The following CNTN2 variants were observed in gnomAD, a reference collection of about 807,000 sequenced individuals.
The protein encoded by CNTN2 is contactin 2.
CNTN2 carries 53 observed loss-of-function variants against 117.5 expected under a neutral mutation model. The observed-to-expected ratio is 0.45, with a 90% CI of 0.36 to 0.57. The LOEUF (loss-of-function observed/expected upper bound fraction) is 0.57. CNTN2 is among the 20% of genes least tolerant of loss of function. The probability of loss-of-function intolerance (pLI) is 0.00; values close to 1 mark genes in which losing one functional copy is unlikely to be tolerated. For synonymous variants in CNTN2, 530 were observed against 561.7 expected (o/e 0.94, Z 0.80); for missense variants, 1,106 against 1,404.3 (o/e 0.79, Z 3.39).
Position 205,062,532 on chromosome 1 carries a change from C to T in CNTN2, c.1203C>T (p.His401=), listed in dbSNP as rs759129965. 13 of 1,614,072 alleles carry T rather than the reference C, an allele frequency of 8.1e-6. No homozygotes were observed. Among genetic ancestry groups the T allele is most frequent in the South Asian group, 6.6e-5 (6 of 91,086 alleles). The change falls in exon 10 of 23, where the codon CAC becomes CAT. Residue 401 remains histidine (H), a synonymous_variant. Transcript: ENST00000331830. ...GMYQCVAENK[H]GTIYASAELA... ...ACCAGTGTGTGGCAGAGAATAAGCACGGTACCATCTACGCCAGCGCCGAGC... is the reference window on the plus strand; with the variant it reads ...ACCAGTGTGTGGCAGAGAATAAGCATGGTACCATCTACGCCAGCGCCGAGC...
chr1:205,045,371 A>G (rs949949228), intron 1 of CNTN2, among the ~76,000 whole-genome samples: 21 of 152,176 alleles, frequency 1.4e-4, no homozygotes, highest in African/African-American at 5.1e-4. Context: ...AGTTGTTCAA[A>G]TAGAGACACA....
In CNTN2 at chr1:205,064,426, G is replaced by T; in HGVS notation, c.1345G>T (p.Val449Leu). The change falls in exon 11 of 23, where the codon GTG (valine) becomes TTG (leucine). Residue 449 changes from valine (V) to leucine (L), a missense_variant. Coordinates refer to ENST00000331830, the MANE Select transcript of CNTN2 (RefSeq NM_005076.5). The part of the protein sequence containing the change: ...PCQPRAAPKA[V>L]VLWSKGTEIL... ...CCAGCCCCGGGCAGCTCCAAAGGCC[G>T]TGGTGCTCTGGAGCAAAGGCACGGA... 1.2e-6 allele frequency: 2 copies of T among 1,612,826 alleles called. No individual in the cohort carries two copies. Among genetic ancestry groups the T allele is most frequent in the Non-Finnish European group, 1.7e-6 (2 of 1,178,986 alleles).
chr1:205,064,886 AC>A lies in CNTN2; in HGVS notation c.1519+141del, dbSNP rs370251816. ...CCAGGATTCAGTTTTGCTTGGGACCACCCCCTGGCCACCACTGAGACTCTGG... is the reference window on the plus strand; with the variant it reads ...CCAGGATTCAGTTTTGCTTGGGACCACCCCTGGCCACCACTGAGACTCTGG... On this transcript the variant is annotated intron_variant, in intron 12 of 22. Coordinates refer to ENST00000331830, the MANE Select transcript of CNTN2 (RefSeq NM_005076.5). 2.1e-4 allele frequency: 281 copies of A among 1,360,108 alleles called. 1 individual carries two copies. The African/African-American group carries it at 3.6e-3, about 17-fold the overall frequency. 84.3% of individuals were successfully genotyped at this position (1,360,108 alleles called of 1,614,324 possible).
rs924709556 is a variant in CNTN2 at position 205,061,091 on chromosome 1, G to A, written c.798-154G>A. On this transcript the variant is annotated intron_variant, in intron 7 of 22. Transcript: ENST00000331830. This position sits in a 1 kb window ranked among gnomAD's most constrained non-coding sequence, Gnocchi z 4.8. ...TGCTCCGAGCCTACCTGGGAGAGGA[G>A]AGTGAGGATCAGCCAGAAGGCACCC... is the stretch of plus-strand genomic sequence containing the variant. 1.3e-6 allele frequency: 1 copy of A among 786,064 alleles called. No homozygotes were observed. The highest frequency in any genetic ancestry group is 1.8e-5 in the African/African-American group (1 of 56,660). The allele number at this position is 786,064 out of a possible 1,614,324, so 48.7% of individuals were successfully genotyped here. A position where few individuals can be genotyped will look rare whatever the true frequency, so the allele number is the denominator to read the frequency against.
In CNTN2 at chr1:205,064,019, A is replaced by T. The variant is rs1654128779; in HGVS notation, c.1241-303A>T. Among the ~76,000 whole-genome samples the T allele has an allele frequency of 7.4e-5, 11 of 149,492 alleles. 1 individual carries two copies. The South Asian group carries it at 2.4e-3, about 32-fold the overall frequency. ...GAAGAGCCGGGCTTCACTGAGTGTG[A>T]GTTGAAAAAGCTGTTCATTCCCAAC... On this transcript the variant is annotated intron_variant, in intron 10 of 22. Transcript: ENST00000331830.
At position 205,067,483 on chromosome 1, in the gene CNTN2, T is replaced by C. The variant is rs1654355589; in HGVS notation, c.2125+233T>C. 2.1e-5 allele frequency: 9 copies of C among 431,868 alleles called. No homozygotes were observed. The East Asian group carries it at 3.2e-4, about 16-fold the overall frequency. 26.8% of individuals were successfully genotyped at this position (431,868 alleles called of 1,614,324 possible). A position where few individuals can be genotyped will look rare whatever the true frequency, so the allele number is the denominator to read the frequency against. On this transcript the variant is annotated intron_variant, in intron 16 of 22. Transcript: ENST00000331830. ...AACTGGCCAACCTTACAACTGCATG[T>C]GCATCTATAATTTTTTTAAGTTTAA...
chr1:205,069,652 T>C, intron 17 of CNTN2, 91 bp downstream of exon 17: 1 of 1,475,772 alleles, frequency 6.8e-7, no homozygotes, highest in Non-Finnish European at 9.3e-7. Flanking sequence ...CAGCTCTGAC[T>C]CAAACGCGGA....
chr1:205,066,976 G>A (rs1654325547), intron 15 of CNTN2, 125 bp from the exon 16 acceptor site: 10 of 1,194,614 alleles, frequency 8.4e-6, no homozygotes, highest in Non-Finnish European at 1.2e-5. Flanking sequence ...GGTACTGAGT[G>A]CTTAGTATAT....
At position 205,058,363 on chromosome 1, in the gene CNTN2, C is replaced by A. The variant is rs1318869557; in HGVS notation, c.391+7C>A. On this transcript the variant is annotated splice_region_variant and intron_variant, in intron 4 of 22. Coordinates refer to ENST00000331830, the MANE Select transcript of CNTN2 (RefSeq NM_005076.5). The surrounding 1 kb of genome is among the most constrained non-coding windows in gnomAD (Gnocchi z 4.3). ...GCCATCCTCCGCTTCGGCTGTGAGA[C>A]CCGCGGGGGACCAAGACACTTTGGG... is the stretch of plus-strand genomic sequence containing the variant. 7.9e-6 allele frequency: 12 copies of A among 1,528,616 alleles called. No homozygotes were observed. 94.7% of individuals were successfully genotyped at this position (1,528,616 alleles called of 1,614,324 possible).
chr1:205,045,817 G>A (rs1033250241), intron 1 of CNTN2, among the ~76,000 whole-genome samples: 2 of 152,180 alleles, frequency 1.3e-5, no homozygotes, highest in Admixed American at 6.5e-5. Flanking sequence ...AGGTGGGGCA[G>A]TCTCCTTTCA....
rs1361175229 is a variant in CNTN2 at position 205,065,982 on chromosome 1, C to T, written c.1816+73C>T. The stretch of plus-strand genomic sequence containing the variant: ...AGCTGGGCTGTTCTGACCTGCTCGC[C>T]TCATCTCCCCTCCCTTCCCTCAAAG... On this transcript the variant is annotated intron_variant, in intron 14 of 22. Transcript: ENST00000331830. This position sits in a 1 kb window ranked among gnomAD's most constrained non-coding sequence, Gnocchi z 4.1. 14 of 1,504,262 alleles carry T rather than the reference C, an allele frequency of 9.3e-6. No homozygotes were observed. The highest frequency in any genetic ancestry group is 1.2e-5 in the Non-Finnish European group (14 of 1,120,600). 93.2% of individuals were successfully genotyped at this position (1,504,262 alleles called of 1,614,324 possible). A position where few individuals can be genotyped will look rare whatever the true frequency, so the allele number is the denominator to read the frequency against.
intron 1 of CNTN2, 124 bp from the exon 2 acceptor site, chr1:205,052,976 A>G: frequency 2.3e-6 from 1 of 437,468 alleles, no homozygotes; most frequent in Non-Finnish European, 4.1e-6. Flanking sequence ...CCTGGGGAGA[A>G]TTAGTGCTTG....
Position 205,074,983 on chromosome 1 carries a change from A to G in CNTN2, c.*1218A>G. 2.5e-6 allele frequency: 1 copy of G among 398,342 alleles called. No individual in the cohort carries two copies. The highest frequency in any genetic ancestry group is 4.4e-6 in the Non-Finnish European group (1 of 226,072). The allele number at this position is 398,342 out of a possible 1,614,324, so 24.7% of individuals were successfully genotyped here. On this transcript the variant is annotated 3_prime_UTR_variant, in exon 23 of 23. Coordinates refer to ENST00000331830, the MANE Select transcript of CNTN2 (RefSeq NM_005076.5). ...GCTCTGGGTATACTACCAGTCACAG[A>G]ACGTCAGAGCTGGAAGAAGCCTTAG...
chr1:205,055,250 G>A (rs2096459182), intron 2 of CNTN2, among the ~76,000 whole-genome samples: 1 of 152,202 alleles, frequency 6.6e-6, no homozygotes, highest in African/African-American at 2.4e-5. Flanking sequence ...TCGAGCTCAG[G>A]TGATCCTCCT....
At position 205,073,441 on chromosome 1, in the gene CNTN2, A is replaced by T; in HGVS notation, c.3013+205A>T. Reference sequence around the variant, plus strand: ...CCCAGAACATCCCCGAGGGCCAGGGAAGGGCGCAGGGTGCAGGGGGAGGCT... The same window carrying T: ...CCCAGAACATCCCCGAGGGCCAGGGTAGGGCGCAGGGTGCAGGGGGAGGCT... On this transcript the variant is annotated intron_variant, in intron 22 of 22. Coordinates refer to ENST00000331830, the MANE Select transcript of CNTN2 (RefSeq NM_005076.5). This position sits in a 1 kb window ranked among gnomAD's most constrained non-coding sequence, Gnocchi z 6.3. The T allele has an allele frequency of 1.3e-6, 1 of 767,826 alleles. No homozygotes were observed. Among genetic ancestry groups the T allele is most frequent in the East Asian group, 2.7e-5 (1 of 37,106 alleles). The allele number at this position is 767,826 out of a possible 1,614,324, so 47.6% of individuals were successfully genotyped here.
intron 1 of CNTN2, among the ~76,000 whole-genome samples, chr1:205,043,747 G>C (rs559653991): frequency 3.3e-4 from 50 of 152,244 alleles, no homozygotes; most frequent in African/African-American, 1.2e-3. Context: ...TGGGCACCCG[G>C]TCCAGGACAG....
At chr1:205,044,778 C>T (rs1371241884) in intron 1 of CNTN2, among the ~76,000 whole-genome samples, 1 of 152,226 alleles carries the variant, frequency 6.6e-6, no homozygotes, top group African/African-American at 2.4e-5. Context: ...GTGGGAGAGG[C>T]TGCTGTGATC....
In CNTN2 at chr1:205,067,102, T is replaced by C. The variant is rs1030814044; in HGVS notation, c.1977T>C (p.Asn659=). The change falls in exon 16 of 23, where the codon AAT becomes AAC. Residue 659 remains asparagine (N), a splice_region_variant and synonymous_variant. Coordinates refer to ENST00000331830, the MANE Select transcript of CNTN2 (RefSeq NM_005076.5). ...PAGKWKQVRT[N]PANIEGNAET... is the part of the protein sequence containing the mutation. The stretch of plus-strand genomic sequence containing the variant: ...TATGGACTCCCTGGTGCCTTGCAGA[T>C]CCTGCAAACATCGAGGGCAATGCCG... 3.1e-6 allele frequency: 5 copies of C among 1,608,224 alleles called. No individual in the cohort carries two copies. Among genetic ancestry groups the C allele is most frequent in the Non-Finnish European group, 4.2e-6 (5 of 1,177,228 alleles).
chr1:205,049,300 A>G (rs1051485219), intron 1 of CNTN2, among the ~76,000 whole-genome samples: 1 of 150,274 alleles, frequency 6.7e-6, no homozygotes, highest in African/African-American at 2.5e-5. Flanking sequence ...ACACACACAC[A>G]CACACACACA....
Sources: allele counts gnomAD v4.1 joint callset (sites outside exome capture counted in the v4.1 genomes callset), GRCh38; gene constraint gnomAD v4.1.1; non-coding constraint Gnocchi (gnomAD v3.1); transcripts MANE v1.5; gene names NCBI Gene and HGNC (gene_info 2026-07-23, HGNC 2026-07-21).